Variants in PTPRK observed in about 807,000 individuals in gnomAD.
PTPRK encodes the protein receptor-type tyrosine-protein phosphatase kappa.
In PTPRK, 75 loss-of-function variants were observed where a neutral mutation model predicts 178.0. That is an observed-to-expected ratio of 0.42 (90% CI 0.35 to 0.51). PTPRK has a LOEUF of 0.51. Ranked by LOEUF, PTPRK falls within the 20% of genes least tolerant of loss-of-function variation. The pLI is 0.02. For synonymous variants in PTPRK, 637 were observed against 620.6 expected (o/e 1.03, Z -0.39); for missense variants, 1,441 against 1,797.8 (o/e 0.80, Z 3.59).
intron 6 of PTPRK, among the ~76,000 whole-genome samples, chr6:128,194,076 T>G (rs1012446614): frequency 5.9e-4 from 86 of 145,956 alleles, no homozygotes; most frequent in African/African-American, 1.9e-3. Flanking sequence ...ATTATTATTA[T>G]TATTATTATT....
At chr6:128,444,457 G>A (rs1404911234) in intron 1 of PTPRK, among the ~76,000 whole-genome samples, 1 of 152,054 alleles carries the variant, frequency 6.6e-6, no homozygotes, top group Admixed American at 6.6e-5. Flanking sequence ...TGCTTCTGTG[G>A]CTATAAATCC....
intron 6 of PTPRK, among the ~76,000 whole-genome samples, chr6:128,187,132 T>C (rs1802917849): frequency 6.6e-6 from 1 of 152,100 alleles, no homozygotes; most frequent in Non-Finnish European, 1.5e-5. Context: ...TATGTGAGTA[T>C]ATCAAATGGT....
At chr6:128,077,993 AT>A (rs1784137780) in intron 11 of PTPRK, among the ~76,000 whole-genome samples, 1 of 151,996 alleles carries the variant, frequency 6.6e-6, no homozygotes, top group South Asian at 2.1e-4. Context: ...TTCTGCTTTT[AT>A]TTCATCAAAG....
chr6:128,482,290 ATC>A (rs956517399), intron 1 of PTPRK, among the ~76,000 whole-genome samples: 2 of 152,194 alleles, frequency 1.3e-5, no homozygotes. Flanking sequence ...TCGGAGTTGC[ATC>A]TCTGTTTACA....
At chr6:128,440,484 T>C (rs1354234814) in intron 1 of PTPRK, among the ~76,000 whole-genome samples, 3 of 152,234 alleles carry the variant, frequency 2.0e-5, no homozygotes, top group African/African-American at 7.2e-5. Flanking sequence ...TATATTTGTA[T>C]GTTTCAAAAA....
chr6:128,087,859 T>A (rs899601537), intron 8 of PTPRK, among the ~76,000 whole-genome samples: 4 of 152,154 alleles, frequency 2.6e-5, no homozygotes, highest in African/African-American at 9.7e-5. Flanking sequence ...ACTTCTCTTA[T>A]TACAACAAAA....
intron 3 of PTPRK, among the ~76,000 whole-genome samples, chr6:128,317,605 AT>A (rs1404949159): frequency 6.6e-6 from 1 of 152,202 alleles, no homozygotes; most frequent in African/African-American, 2.4e-5. Context: ...GCACAGGAGA[AT>A]AGTCATCTAA....
chr6:128,077,929 A>G (rs1313403284), intron 11 of PTPRK, among the ~76,000 whole-genome samples: 3 of 152,006 alleles, frequency 2.0e-5, no homozygotes, highest in Non-Finnish European at 4.4e-5. Context: ...GGAATACTTG[A>G]TAAGGAACAA....
chr6:128,117,781 T>A (rs1016409038), intron 7 of PTPRK, among the ~76,000 whole-genome samples: 1 of 152,012 alleles, frequency 6.6e-6, no homozygotes, highest in Non-Finnish European at 1.5e-5. Flanking sequence ...GCCTCCCAAG[T>A]AGCTAGGATT....
chr6:128,167,901 T>C (rs1449580342), intron 7 of PTPRK, among the ~76,000 whole-genome samples: 1 of 152,066 alleles, frequency 6.6e-6, no homozygotes, highest in African/African-American at 2.4e-5. Context: ...TATTAACCAT[T>C]AAGTAAAAAC....
At chr6:128,136,469 T>C (rs2114488345) in intron 7 of PTPRK, among the ~76,000 whole-genome samples, 1 of 152,302 alleles carries the variant, frequency 6.6e-6, no homozygotes, top group African/African-American at 2.4e-5. Context: ...ATGGCATCCT[T>C]AGGCTCTTAC....
intron 3 of PTPRK, among the ~76,000 whole-genome samples, chr6:128,244,630 A>T (rs1331833921): frequency 3.3e-5 from 5 of 152,176 alleles, no homozygotes; most frequent in Non-Finnish European, 7.3e-5. Context: ...AGAAGGTGAG[A>T]GCGTCTCTGA....
chr6:128,335,203 T>A (rs1315551984), intron 2 of PTPRK, among the ~76,000 whole-genome samples: 4 of 152,170 alleles, frequency 2.6e-5, no homozygotes, highest in Non-Finnish European at 5.9e-5. Context: ...TCTACCATCT[T>A]ACTGATGAAA....
chr6:128,397,513 A>G (rs1584522119), intron 2 of PTPRK, 53 bp downstream of exon 2: 1 of 1,593,224 alleles, frequency 6.3e-7, no homozygotes, highest in Non-Finnish European at 8.6e-7. Flanking sequence ...TAAGAAAATC[A>G]TAGATACTGC....
intron 6 of PTPRK, among the ~76,000 whole-genome samples, chr6:128,194,067 T>TATATATATA (rs1491310879): frequency 1.2e-3 from 85 of 68,854 alleles, no homozygotes; most frequent in African/African-American, 5.7e-3. Context: ...TATATATATA[T>TATATATATA]TATTATTATT....
At position 128,157,636 on chromosome 6, in the gene PTPRK, C is replaced by A. The variant is rs1798119968; in HGVS notation, c.1162+26796G>T. ...GTATCTATAAGGATTGCCATTCTAA[C>A]TGGTGTGAGATGGTATCTCATTTTG... On this transcript the variant is annotated intron_variant, in intron 7 of 29. Coordinates refer to ENST00000368226, the MANE Select transcript of PTPRK (RefSeq NM_002844.4). Among the ~76,000 whole-genome samples the A allele has an allele frequency of 2.0e-5, 3 of 151,958 alleles. 1 individual carries two copies. The South Asian group carries it at 6.2e-4, about 32-fold the overall frequency.
chr6:128,046,930 T>C (rs1471048607), intron 13 of PTPRK, among the ~76,000 whole-genome samples: 1 of 152,194 alleles, frequency 6.6e-6, no homozygotes, highest in African/African-American at 2.4e-5. Flanking sequence ...TTGTTATTTT[T>C]GAATGTCTGT....
intron 3 of PTPRK, among the ~76,000 whole-genome samples, chr6:128,293,388 A>C (rs1433932603): frequency 3.9e-5 from 6 of 152,030 alleles, no homozygotes; most frequent in African/African-American, 1.4e-4. Context: ...GCAAAACAAA[A>C]CAAAACAAAA....
chr6:128,031,117 T>C (rs1471379429), intron 13 of PTPRK, among the ~76,000 whole-genome samples: 3 of 152,276 alleles, frequency 2.0e-5, no homozygotes, highest in East Asian at 3.9e-4. Flanking sequence ...TATGAAACAC[T>C]GAGAGCACAG....
Sources: allele counts gnomAD v4.1 joint callset (sites outside exome capture counted in the v4.1 genomes callset), GRCh38; gene constraint gnomAD v4.1.1; transcripts MANE v1.5; gene names NCBI Gene and HGNC (gene_info 2026-07-23, HGNC 2026-07-21).